The following UNC93A variants were observed in gnomAD, a reference collection of about 807,000 sequenced individuals.
UNC93A encodes the protein N-acetylglucosamine transporter UNC93A.
In UNC93A, 43 loss-of-function variants were observed where a neutral mutation model predicts 47.5. That is an observed-to-expected ratio of 0.91 (90% confidence interval 0.71 to 1.17). The LOEUF (loss-of-function observed/expected upper bound fraction) is 1.17. Among genes scored for constraint, UNC93A ranks in the 50% most tolerant of loss-of-function variants. UNC93A has a pLI of 0.00. For synonymous variants in UNC93A, 280 were observed against 258.0 expected (o/e 1.09, Z -0.82); for missense variants, 605 against 577.6 (o/e 1.05, Z -0.49).
chr6:167,277,463 T>C (rs1783561835), intron 1 of UNC93A, among the ~76,000 whole-genome samples: 1 of 152,156 alleles, frequency 6.6e-6, no homozygotes, highest in African/African-American at 2.4e-5. Context: ...GATTGTCCAG[T>C]TCTGGGCTCC....
In UNC93A at chr6:167,310,477, G is replaced by A. The variant is rs554732089; in HGVS notation, c.1108+2567G>A. ...CTAAGGTCAAACAAAGAGTATCAACGTCCAAGTCCGGTGAATGACTGGAAT... is the reference window on the plus strand; with the variant it reads ...CTAAGGTCAAACAAAGAGTATCAACATCCAAGTCCGGTGAATGACTGGAAT... On this transcript the variant is annotated intron_variant, in intron 7 of 7. Transcript: ENST00000230256. 1.7e-4 allele frequency among the ~76,000 whole-genome samples: 26 copies of A among 152,406 alleles called. No homozygotes were observed. In the South Asian group the frequency reaches 5.2e-3, roughly 30 times the overall value.
At chr6:167,307,697 T>C in intron 6 of UNC93A, 82 bp from the exon 7 acceptor site, 3 of 1,473,538 alleles carry the variant, frequency 2.0e-6, no homozygotes, top group Non-Finnish European at 2.7e-6. Context: ...AGATGGTTGC[T>C]CCAGCACTGA....
intron 7 of UNC93A, among the ~76,000 whole-genome samples, chr6:167,310,072 C>T (rs1021825970): frequency 2.0e-5 from 3 of 152,148 alleles, no homozygotes; most frequent in South Asian, 4.1e-4. Context: ...CATGTCACCT[C>T]GCTGCAGGAC....
At chr6:167,307,613 G>A (rs1199903102) in intron 6 of UNC93A, among the ~76,000 whole-genome samples, 166 bp from the exon 7 acceptor site, 1 of 152,042 alleles carries the variant, frequency 6.6e-6, no homozygotes, top group African/African-American at 2.4e-5. Flanking sequence ...GGTTCCAGAG[G>A]ACAATTCCAG....
At chr6:167,290,535 A>G (rs1366109148), upstream of UNC93A, among the ~76,000 whole-genome samples, 1 of 152,222 alleles carries the variant, frequency 6.6e-6, no homozygotes, top group Admixed American at 6.5e-5. Flanking sequence ...TAGCTATGAC[A>G]TTTGTGGTAA....
At position 167,296,018 on chromosome 6, in the gene UNC93A, C is replaced by T. The variant is rs1440189143; in HGVS notation, c.270-14C>T. ...TCTCCTGTTACAGGCTATGGGTCTG[C>T]ATTTTACCCACAGGTACACTTTGAT... On this transcript the variant is annotated splice_polypyrimidine_tract_variant and intron_variant, in intron 2 of 7. Coordinates refer to ENST00000230256, the MANE Select transcript of UNC93A (RefSeq NM_018974.4). The T allele has an allele frequency of 6.2e-7, 1 of 1,612,592 alleles. No homozygotes were observed. The highest frequency in any genetic ancestry group is 8.5e-7 in the Non-Finnish European group (1 of 1,178,714).
upstream of UNC93A, among the ~76,000 whole-genome samples, chr6:167,286,934 C>G (rs142999641): frequency 1.4e-5 from 2 of 146,382 alleles, no homozygotes; most frequent in Admixed American, 1.4e-4. Flanking sequence ...GCCAAGATCG[C>G]GCCACTGCAC....
At chr6:167,296,527 G>A (rs950276649) in intron 3 of UNC93A, among the ~76,000 whole-genome samples, 9 of 152,212 alleles carry the variant, frequency 5.9e-5, no homozygotes, top group South Asian at 2.1e-4. Context: ...GGGAGAGGGC[G>A]CCATGGGAAA....
At chr6:167,293,190 G>A (rs1783881699) in intron 1 of UNC93A, among the ~76,000 whole-genome samples, 1 of 152,172 alleles carries the variant, frequency 6.6e-6, no homozygotes, top group Non-Finnish European at 1.5e-5. Flanking sequence ...CTCCGCAGCT[G>A]TGAGCAGCTG....
intron 1 of UNC93A, among the ~76,000 whole-genome samples, chr6:167,284,968 C>T: frequency 6.6e-6 from 1 of 152,226 alleles, no homozygotes; most frequent in Non-Finnish European, 1.5e-5. Context: ...TCCTACTCGC[C>T]TTGTAGTCCT....
chr6:167,297,970 G>GT lies in UNC93A; in HGVS notation c.526dup (p.Ser176PhefsTer6). 6.2e-7 allele frequency: 1 copy of GT among 1,614,010 alleles called. No homozygotes were observed. The highest frequency in any genetic ancestry group is 8.5e-7 in the Non-Finnish European group (1 of 1,179,998). ...AGACCCTTCCAGAAGAGCAGCTCACGTCCTGTGGGGCCAGTGACTGCCTGA... is the reference window on the plus strand; with the variant it reads ...AGACCCTTCCAGAAGAGCAGCTCACGTTCCTGTGGGGCCAGTGACTGCCTGA... On this transcript the variant is annotated frameshift_variant, in exon 4 of 8. Transcript: ENST00000230256. LOFTEE classifies it high-confidence loss of function.
upstream of UNC93A, among the ~76,000 whole-genome samples, chr6:167,287,899 A>C (rs1783769066): frequency 6.6e-6 from 1 of 152,168 alleles, no homozygotes; most frequent in African/African-American, 2.4e-5. Flanking sequence ...GTGATCAATC[A>C]CAGAGCTGCT....
At chr6:167,308,595 G>A (rs1361496829) in intron 7 of UNC93A, among the ~76,000 whole-genome samples, 1 of 151,938 alleles carries the variant, frequency 6.6e-6, no homozygotes, top group Non-Finnish European at 1.5e-5. Flanking sequence ...AGGTGGCAGG[G>A]ATGCTCCAAG....
At chr6:167,306,877 G>A (rs559373123) in intron 6 of UNC93A, among the ~76,000 whole-genome samples, 4 of 152,288 alleles carry the variant, frequency 2.6e-5, no homozygotes, top group South Asian at 2.1e-4. Flanking sequence ...CGTCTTGAGC[G>A]TCAATGGGCA....
At chr6:167,309,232 G>A (rs1054082383) in intron 7 of UNC93A, among the ~76,000 whole-genome samples, 1 of 152,216 alleles carries the variant, frequency 6.6e-6, no homozygotes, top group Non-Finnish European at 1.5e-5. Context: ...GCTTTGTGCG[G>A]GCTGGCTGTG....
At chr6:167,303,769 C>A in intron 4 of UNC93A, 150 bp from the exon 5 acceptor site, 1 of 703,476 alleles carries the variant, frequency 1.4e-6, no homozygotes, top group Non-Finnish European at 2.4e-6. Context: ...ACCTGAGATC[C>A]TTAAGCATGT....
intron 1 of UNC93A, among the ~76,000 whole-genome samples, chr6:167,275,491 C>T (rs1227063695): frequency 6.6e-6 from 1 of 152,214 alleles, no homozygotes; most frequent in Non-Finnish European, 1.5e-5. Context: ...GTCAGCTCAC[C>T]CACCCCCAAG....
chr6:167,291,210 G>A, upstream of UNC93A: 1 of 298,150 alleles, frequency 3.4e-6, no homozygotes, highest in Non-Finnish European at 6.2e-6. Flanking sequence ...GCTGGTAAGA[G>A]TAATGATCTT....
chr6:167,313,486 T>C (rs1029957639), intron 7 of UNC93A, among the ~76,000 whole-genome samples: 1 of 151,972 alleles, frequency 6.6e-6, no homozygotes, highest in African/African-American at 2.4e-5. Flanking sequence ...CAACCAGAAC[T>C]TGACGAAGGG....
Sources: gnomAD v4.1 joint callset for allele counts (sites outside exome capture counted in the v4.1 genomes callset) on GRCh38, gnomAD v4.1.1 for gene constraint, MANE v1.5 for transcripts, NCBI Gene and HGNC (gene_info 2026-07-23, HGNC 2026-07-21) for gene names.